Variants in TNFRSF11A observed in about 807,000 individuals in gnomAD.
The protein encoded by TNFRSF11A is tumor necrosis factor receptor superfamily member 11A.
TNFRSF11A carries 32 observed loss-of-function variants against 55.7 expected under a neutral mutation model. The observed-to-expected ratio is 0.57, with a 90% CI of 0.43 to 0.77. TNFRSF11A has a LOEUF of 0.77. TNFRSF11A is among the 30% of genes least tolerant of loss of function. TNFRSF11A has a pLI of 0.00. For synonymous variants in TNFRSF11A, 311 were observed against 331.0 expected (o/e 0.94, Z 0.65); for missense variants, 753 against 809.8 (o/e 0.93, Z 0.85).
chr18:62,372,630 C>A (rs1013170792), intron 9 of TNFRSF11A, among the ~76,000 whole-genome samples: 5 of 152,126 alleles, frequency 3.3e-5, no homozygotes, highest in Admixed American at 6.5e-5. Context: ...GCAGTGAGCA[C>A]AGTATCTTCA....
intron 1 of TNFRSF11A, among the ~76,000 whole-genome samples, chr18:62,346,728 T>G (rs766926481): frequency 2.0e-5 from 3 of 152,232 alleles, no homozygotes; most frequent in Non-Finnish European, 4.4e-5. Flanking sequence ...TAGCCTGGGC[T>G]TTCCTGGGTT....
chr18:62,335,398 G>A (rs556259774), intron 1 of TNFRSF11A, among the ~76,000 whole-genome samples: 2 of 152,208 alleles, frequency 1.3e-5, no homozygotes, highest in South Asian at 2.1e-4. Context: ...GAGCCACCAC[G>A]CCTGGTCTGG....
intron 3 of TNFRSF11A, among the ~76,000 whole-genome samples, chr18:62,350,734 T>A (rs1342739424): frequency 6.6e-6 from 1 of 152,258 alleles, no homozygotes; most frequent in East Asian, 1.9e-4. Context: ...CACAGTCTGA[T>A]CTCCTTACCA....
chr18:62,366,474 C>T (rs1177428955), intron 7 of TNFRSF11A, among the ~76,000 whole-genome samples: 1 of 152,098 alleles, frequency 6.6e-6, no homozygotes, highest in Non-Finnish European at 1.5e-5. Context: ...GTATCATATT[C>T]AAGATTTTTG....
intron 9 of TNFRSF11A, among the ~76,000 whole-genome samples, chr18:62,375,584 C>T (rs4426449): frequency 0.26 from 40,127 of 152,080 alleles, 5,959 homozygotes; most frequent in Non-Finnish European, 0.33. Flanking sequence ...ATATTATAGA[C>T]GTTAGTCACT....
At chr18:62,358,195 C>T (rs1419796937) in intron 4 of TNFRSF11A, 53 bp from the exon 5 acceptor site, 52 of 1,550,168 alleles carry the variant, frequency 3.4e-5, no homozygotes, top group Admixed American at 6.7e-5. Context: ...TAAGTGACCT[C>T]GTTTGTTTTT....
At chr18:62,354,062 CTG>C (rs1416781239) in intron 3 of TNFRSF11A, among the ~76,000 whole-genome samples, 1 of 152,228 alleles carries the variant, frequency 6.6e-6, no homozygotes, top group Admixed American at 6.5e-5. Flanking sequence ...AAGCTCAACT[CTG>C]TGACCCTTCT....
chr18:62,346,960 C>A (rs149578414), intron 1 of TNFRSF11A, among the ~76,000 whole-genome samples: 174 of 152,314 alleles, frequency 1.1e-3, no homozygotes, highest in African/African-American at 4.1e-3. Context: ...TTGAACTGCT[C>A]ATATTGTCCA....
chr18:62,376,598 G>A (rs555290735), intron 9 of TNFRSF11A, among the ~76,000 whole-genome samples: 7 of 152,180 alleles, frequency 4.6e-5, no homozygotes, highest in South Asian at 2.1e-4. Flanking sequence ...CTTGACGAGC[G>A]CATATTGACA....
chr18:62,346,761 C>T lies in TNFRSF11A; in HGVS notation c.76-1407C>T, dbSNP rs538352972. On this transcript the variant is annotated intron_variant, in intron 1 of 9. Transcript: ENST00000586569. Reference sequence around the variant, plus strand: ...GTTTGGTGCTTTCTTTATAAAGCTGCCTTCTATAATGGAGCTATTTTGAGG... The same window carrying T: ...GTTTGGTGCTTTCTTTATAAAGCTGTCTTCTATAATGGAGCTATTTTGAGG... Among the ~76,000 whole-genome samples the T allele has an allele frequency of 3.3e-5, 5 of 152,264 alleles. No individual in the cohort carries two copies. In the South Asian group the frequency reaches 1.0e-3, roughly 32 times the overall value.
At chr18:62,345,123 C>T (rs1487516174) in intron 1 of TNFRSF11A, among the ~76,000 whole-genome samples, 2 of 152,208 alleles carry the variant, frequency 1.3e-5, no homozygotes, top group Non-Finnish European at 2.9e-5. Context: ...CAGCGCTCAC[C>T]AGGCGATTTG....
chr18:62,360,145 C>G, intron 6 of TNFRSF11A, 96 bp downstream of exon 6: 2 of 880,380 alleles, frequency 2.3e-6, no homozygotes, highest in Admixed American at 3.8e-5. Context: ...TGCGGGCGTC[C>G]TCTCCCCCTT....
chr18:62,339,129 G>A (rs1457447696), intron 1 of TNFRSF11A, among the ~76,000 whole-genome samples: 2 of 152,068 alleles, frequency 1.3e-5, no homozygotes, highest in Admixed American at 6.5e-5. Context: ...ATGTTTCATG[G>A]TGCTGCTAAA....
At chr18:62,334,378 G>A (rs972915599) in intron 1 of TNFRSF11A, among the ~76,000 whole-genome samples, 11 of 152,164 alleles carry the variant, frequency 7.2e-5, no homozygotes, top group East Asian at 3.9e-4. Flanking sequence ...AGACTATACC[G>A]TACCACTGTG....
intron 5 of TNFRSF11A, among the ~76,000 whole-genome samples, chr18:62,358,800 A>G (rs963301208): frequency 1.3e-5 from 2 of 152,004 alleles, no homozygotes; most frequent in East Asian, 1.9e-4. Context: ...AGCTTTTTCT[A>G]TATTAGTTCA....
chr18:62,330,402 T>A (rs1295138354), intron 1 of TNFRSF11A, among the ~76,000 whole-genome samples: 1 of 152,178 alleles, frequency 6.6e-6, no homozygotes, highest in Non-Finnish European at 1.5e-5. Context: ...GTGCTTTGTC[T>A]GGCGGTGAGA....
chr18:62,350,483 G>A (rs977725987), intron 3 of TNFRSF11A, among the ~76,000 whole-genome samples: 1 of 151,928 alleles, frequency 6.6e-6, no homozygotes, highest in African/African-American at 2.4e-5. Context: ...TAGTAGAGAC[G>A]GGGTTTCACC....
At position 62,384,937 on chromosome 18, in the gene TNFRSF11A, G is replaced by C. The variant is rs1490028676; in HGVS notation, c.1754G>C (p.Gly585Ala). ...LARRDSFAGNGPRFPDPCGGP... is the reference protein window; with the variant it reads ...LARRDSFAGNAPRFPDPCGGP... ...CGCCGAGACTCCTTCGCGGGGAACG[G>C]CCCGCGCTTCCCGGACCCGTGCGGC... is the stretch of plus-strand genomic sequence containing the variant. Residue 585 changes from glycine (G) to alanine (A), a missense_variant, in exon 10 of 10, where the codon GGC (glycine) becomes GCC (alanine). Physicochemically the swap from Gly to Ala is moderately conservative, Grantham distance 60. Around this residue, in one of 3 missense-constraint regions of TNFRSF11A, gnomAD observed 567 missense variants for 596.7 expected, o/e 0.95. Coordinates refer to ENST00000586569, the MANE Select transcript of TNFRSF11A (RefSeq NM_003839.4). The C allele has an allele frequency of 6.5e-7, 1 of 1,542,208 alleles. No homozygotes were observed.
In TNFRSF11A at chr18:62,384,850, A is replaced by C; in HGVS notation, c.1667A>C (p.Gln556Pro). The change falls in exon 10 of 10, where the codon CAG becomes CCG. Residue 556 changes from glutamine (Q) to proline (P), a missense_variant. Gln to Pro is a moderately conservative substitution (Grantham distance 76). Transcript: ENST00000586569. ...IIVVYVSQTS[Q>P]EGAAAAAEPM... Reference sequence around the variant, plus strand: ...GTGGTCTACGTCAGCCAGACCTCGCAGGAGGGCGCGGCGGCGGCTGCGGAG... The same window carrying C: ...GTGGTCTACGTCAGCCAGACCTCGCCGGAGGGCGCGGCGGCGGCTGCGGAG... 6.2e-7 allele frequency: 1 copy of C among 1,609,202 alleles called. No individual in the cohort carries two copies. Among genetic ancestry groups the C allele is most frequent in the Non-Finnish European group, 8.5e-7 (1 of 1,178,036 alleles).
Sources: gnomAD v4.1 joint callset for allele counts (sites outside exome capture counted in the v4.1 genomes callset) on GRCh38, gnomAD v4.1.1 for gene constraint, gnomAD v4.1.1 regional missense constraint, MANE v1.5 for transcripts, NCBI Gene and HGNC (gene_info 2026-07-23, HGNC 2026-07-21) for gene names.